ZNF398: variants seen among roughly 807,000 people sequenced by gnomAD.
ZNF398 encodes the protein zinc finger protein 398.
In ZNF398, 18 loss-of-function variants were observed where a neutral mutation model predicts 41.9. The ratio of observed to expected loss-of-function variants is 0.43; its 90% confidence interval spans 0.30 to 0.64. The LOEUF (loss-of-function observed/expected upper bound fraction) is 0.64, where lower values mean the gene tolerates loss of function less well. ZNF398 is among the 30% of genes least tolerant of loss of function. The probability of loss-of-function intolerance (pLI) is 0.14; values close to 1 mark genes in which losing one functional copy is unlikely to be tolerated. For synonymous variants in ZNF398, 260 were observed against 308.8 expected (o/e 0.84, Z 1.66); for missense variants, 669 against 822.8 (o/e 0.81, Z 2.29).
At position 149,179,270 on chromosome 7, in the gene ZNF398, G is replaced by A. The variant is rs1329042764; in HGVS notation, c.1398G>A (p.Leu466=). ...RCAQCGRSFS[L]KISLLLHQRG... is the part of the protein sequence containing the mutation. ...CCCAGTGCGGCAGGAGCTTCAGCTT[G>A]AAAATCAGCCTCCTGCTCCACCAGC... Residue 466 remains leucine, a synonymous_variant, in exon 6 of 6, where the codon TTG becomes TTA. Transcript: ENST00000475153. The surrounding 1 kb of genome is among the most constrained non-coding windows in gnomAD (Gnocchi z 6.1). 1 of 1,613,112 alleles carries A rather than the reference G, an allele frequency of 6.2e-7. No individual in the cohort carries two copies. Among genetic ancestry groups the A allele is most frequent in the East Asian group, 2.2e-5 (1 of 44,876 alleles).
At chr7:149,167,029 T>C (rs1191782949) in intron 4 of ZNF398, 99 bp downstream of exon 4, 3 of 746,790 alleles carry the variant, frequency 4.0e-6, no homozygotes, top group African/African-American at 3.6e-5. Context: ...GAGCCATTCA[T>C]TGCTAAAGCA....
Position 149,179,895 on chromosome 7 carries a change from A to G in ZNF398, c.*94A>G. ...TGAGCCCCATCCAACACCCACAGTA[A>G]TTATTATCTGGCACATCAATGAATT... On this transcript the variant is annotated 3_prime_UTR_variant, in exon 6 of 6. Coordinates refer to ENST00000475153, the MANE Select transcript of ZNF398 (RefSeq NM_170686.3). This position sits in a 1 kb window ranked among gnomAD's most constrained non-coding sequence, Gnocchi z 6.1. The G allele has an allele frequency of 8.4e-6, 10 of 1,184,170 alleles. No homozygotes were observed. 73.4% of individuals were successfully genotyped at this position (1,184,170 alleles called of 1,614,324 possible). A position where few individuals can be genotyped will look rare whatever the true frequency, so the allele number is the denominator to read the frequency against.
chr7:149,149,341 C>G (rs1008057479), intron 1 of ZNF398, among the ~76,000 whole-genome samples: 1 of 152,078 alleles, frequency 6.6e-6, no homozygotes, highest in African/African-American at 2.4e-5. Flanking sequence ...TCAAGCGATT[C>G]TCCTGCCTCA....
intron 2 of ZNF398, among the ~76,000 whole-genome samples, chr7:149,157,936 A>G (rs1383551014): frequency 6.6e-6 from 1 of 150,838 alleles, no homozygotes; most frequent in Non-Finnish European, 1.5e-5. Flanking sequence ...GCCGTGGCTC[A>G]TGGTGGCAGG....
chr7:149,179,750 T>C lies in ZNF398; in HGVS notation c.1878T>C (p.Gly626=), dbSNP rs746722042. Residue 626 remains glycine (G), a synonymous_variant, in exon 6 of 6, where the codon GGT becomes GGC. Coordinates refer to ENST00000475153, the MANE Select transcript of ZNF398 (RefSeq NM_170686.3). This position sits in a 1 kb window ranked among gnomAD's most constrained non-coding sequence, Gnocchi z 6.1. ...ETSGLGVNTE[G]LETNQWYGEG... ...CTGGCCTGGGTGTCAACACTGAAGG[T>C]CTAGAGACCAACCAGTGGTATGGGG... The C allele has an allele frequency of 3.7e-6, 6 of 1,610,478 alleles. No individual in the cohort carries two copies. The highest frequency in any genetic ancestry group is 4.2e-6 in the Non-Finnish European group (5 of 1,177,868).
intron 1 of ZNF398, among the ~76,000 whole-genome samples, chr7:149,128,019 C>T (rs889690369): frequency 2.6e-5 from 4 of 152,102 alleles, no homozygotes; most frequent in Non-Finnish European, 5.9e-5. Flanking sequence ...GTGACTGGCT[C>T]CTCAAAAGCG....
upstream of ZNF398, among the ~76,000 whole-genome samples, chr7:149,145,271 T>C (rs1300207953): frequency 1.3e-5 from 2 of 152,204 alleles, no homozygotes; most frequent in Non-Finnish European, 2.9e-5. Flanking sequence ...GTCATGTGCT[T>C]ATCCTATCAC....
At chr7:149,155,153 G>A (rs902342559) in intron 2 of ZNF398, among the ~76,000 whole-genome samples, 1 of 151,984 alleles carries the variant, frequency 6.6e-6, no homozygotes, top group Non-Finnish European at 1.5e-5. Context: ...CAGGTGTGGT[G>A]GCTCACACCT....
At chr7:149,133,678 T>TATATACAC (rs1483673161) in intron 2 of ZNF398, among the ~76,000 whole-genome samples, 13 of 67,018 alleles carry the variant, frequency 1.9e-4, no homozygotes, top group African/African-American at 7.9e-4. Context: ...TATATATATA[T>TATATACAC]ACATATATAT....
upstream of ZNF398, among the ~76,000 whole-genome samples, chr7:149,145,942 C>CTTTTTTTT (rs34950278): frequency 7.8e-5 from 8 of 103,088 alleles, no homozygotes; most frequent in South Asian, 3.8e-4. Context: ...CTCGCAGGTC[C>CTTTTTTTT]TTTTTTTTTT....
intron 5 of ZNF398, 46 bp from the exon 6 acceptor site, chr7:149,178,602 G>T: frequency 6.6e-7 from 1 of 1,520,034 alleles, no homozygotes; most frequent in Non-Finnish European, 9.0e-7. Flanking sequence ...AGAGTTGCTA[G>T]TGAGACAGTT....
At position 149,179,034 on chromosome 7, in the gene ZNF398, A is replaced by G. The variant is rs763356418; in HGVS notation, c.1162A>G (p.Thr388Ala). Residue 388 changes from threonine (T) to alanine (A), a missense_variant, in exon 6 of 6, where the codon ACC (threonine) becomes GCC (alanine). Thr to Ala is a moderately conservative substitution (Grantham distance 58). This residue lies in a region of ZNF398 where 290 missense variants were observed against 292.9 expected (regional missense o/e 0.99). Coordinates refer to ENST00000475153, the MANE Select transcript of ZNF398 (RefSeq NM_170686.3). The surrounding 1 kb of genome is among the most constrained non-coding windows in gnomAD (Gnocchi z 6.1). ...HFTPQADLSS[T>A]SQDHASETPP... The stretch of plus-strand genomic sequence containing the variant: ...TACTCCACAGGCGGACCTCAGCAGC[A>G]CCTCCCAGGACCATGCCAGCGAGAC... 8.1e-6 allele frequency: 13 copies of G among 1,612,718 alleles called. No homozygotes were observed. The East Asian group carries it at 2.7e-4, about 33-fold the overall frequency.
At chr7:149,148,804 A>T (rs2129520053) in intron 1 of ZNF398, among the ~76,000 whole-genome samples, 1 of 150,928 alleles carries the variant, frequency 6.6e-6, no homozygotes, top group Admixed American at 6.6e-5. Context: ...GCGGCCCAAC[A>T]CAAATTCGTA....
chr7:149,163,192 TG>T (rs1795146187), intron 2 of ZNF398, among the ~76,000 whole-genome samples: 1 of 149,426 alleles, frequency 6.7e-6, no homozygotes, highest in Non-Finnish European at 1.5e-5. Context: ...ACAAAATACC[TG>T]TTTTGTTTGT....
rs145718086 is a variant in ZNF398 at position 149,178,704 on chromosome 7, G to T, written c.832G>T (p.Val278Phe). ...TGCTAGATCCTCGTTGTGCCCTGAG[G>T]TTCCAGTCCCTTTCTCTTCTCCACC... ...GLARSSLCPE[V>F]PVPFSSPPAA... Residue 278 changes from valine (V) to phenylalanine (F), a missense_variant, in exon 6 of 6, where the codon GTT becomes TTT. Transcript: ENST00000475153. 1.2e-5 allele frequency: 20 copies of T among 1,614,026 alleles called. No homozygotes were observed. Among genetic ancestry groups the T allele is most frequent in the Non-Finnish European group, 1.6e-5 (19 of 1,180,036 alleles).
chr7:149,155,734 T>TTTTTTTTTTTTTTTTTATTA (rs1794962115), intron 2 of ZNF398, among the ~76,000 whole-genome samples: 1 of 110,656 alleles, frequency 9.0e-6, no homozygotes, highest in Non-Finnish European at 1.7e-5. Flanking sequence ...TTTTTTAATT[T>TTTTTTTTTTTTTTTTTATTA]TTTTTTTTTT....
chr7:149,148,649 G>T (rs76139870), intron 1 of ZNF398: 5,353 of 181,494 alleles, frequency 0.029, 293 homozygotes, highest in African/African-American at 0.12. Context: ...CTTTTTTTTT[G>T]TGTATAGGTG....
At chr7:149,170,145 G>A (rs570164917) in intron 4 of ZNF398, among the ~76,000 whole-genome samples, 1 of 152,284 alleles carries the variant, frequency 6.6e-6, no homozygotes, top group East Asian at 1.9e-4. Flanking sequence ...CACGTGTTCT[G>A]CATATACCAC....
chr7:149,162,593 G>A (rs1164105899), intron 2 of ZNF398, among the ~76,000 whole-genome samples: 1 of 152,036 alleles, frequency 6.6e-6, no homozygotes, highest in Non-Finnish European at 1.5e-5. Context: ...GCCTCCCAAA[G>A]TGCTGAGATT....
Sources: allele counts gnomAD v4.1 joint callset (sites outside exome capture counted in the v4.1 genomes callset), GRCh38; gene constraint gnomAD v4.1.1; regional missense constraint gnomAD v4.1.1; non-coding constraint Gnocchi (gnomAD v3.1); transcripts MANE v1.5; gene names NCBI Gene and HGNC (gene_info 2026-07-23, HGNC 2026-07-21).